The following SMYD3 variants were observed in gnomAD, a reference collection of about 807,000 sequenced individuals.
The protein encoded by SMYD3 is SET and MYND domain containing 3.
SMYD3 carries 36 observed loss-of-function variants against 57.7 expected under a neutral mutation model. That is an observed-to-expected ratio of 0.62 (90% CI 0.48 to 0.82). The LOEUF (loss-of-function observed/expected upper bound fraction) is 0.82, where lower values mean the gene tolerates loss of function less well. Ranked by LOEUF, SMYD3 falls within the 40% of genes least tolerant of loss-of-function variation. SMYD3 has a pLI of 0.00. For missense variants in SMYD3, 515 were observed against 538.8 expected (o/e 0.96, Z 0.44); for synonymous variants, 211 against 195.0 (o/e 1.08, Z -0.68).
intron 1 of SMYD3, among the ~76,000 whole-genome samples, chr1:246,446,015 C>T (rs945445391): frequency 2.0e-5 from 3 of 152,130 alleles, no homozygotes; most frequent in African/African-American, 7.2e-5. Context: ...ACAGTTAATT[C>T]CATTTCATAC....
intron 5 of SMYD3, among the ~76,000 whole-genome samples, chr1:245,939,601 T>TG (rs1312317231): frequency 5.9e-5 from 9 of 151,320 alleles, no homozygotes; most frequent in South Asian, 2.1e-4. Context: ...CACTCCAGCC[T>TG]GGCGACAGAG....
intron 5 of SMYD3, among the ~76,000 whole-genome samples, chr1:246,061,234 C>A (rs1398208203): frequency 2.0e-5 from 3 of 151,856 alleles, no homozygotes; most frequent in South Asian, 2.1e-4. Flanking sequence ...CGCACACACA[C>A]AAAAAAGAAA....
intron 5 of SMYD3, among the ~76,000 whole-genome samples, chr1:246,115,621 A>C (rs953392559): frequency 6.6e-6 from 1 of 152,230 alleles, no homozygotes; most frequent in African/African-American, 2.4e-5. Context: ...AAAAAGCAGC[A>C]TGGTTTCACT....
chr1:246,401,251 C>G (rs370363947), intron 1 of SMYD3, among the ~76,000 whole-genome samples: 29 of 152,250 alleles, frequency 1.9e-4, no homozygotes, highest in African/African-American at 6.5e-4. Context: ...AATCTCAGCA[C>G]TTTGGGAGGC....
intron 10 of SMYD3, among the ~76,000 whole-genome samples, chr1:245,788,671 G>A (rs2047147006): frequency 6.6e-6 from 1 of 152,188 alleles, no homozygotes; most frequent in African/African-American, 2.4e-5. Flanking sequence ...CTTAATAAGT[G>A]TTGGCTAGCC....
intron 5 of SMYD3, among the ~76,000 whole-genome samples, chr1:246,118,022 C>T (rs1439005154): frequency 6.6e-6 from 1 of 152,088 alleles, no homozygotes; most frequent in African/African-American, 2.4e-5. Flanking sequence ...TGATAATGAA[C>T]TTTTAAAGGT....
In SMYD3 at chr1:246,152,796, T is replaced by G. The variant is rs72772602; in HGVS notation, c.531+174405A>C. 4.0e-3 allele frequency among the ~76,000 whole-genome samples: 605 copies of G among 152,292 alleles called. 4 individuals are homozygous for G. Among genetic ancestry groups the G allele is most frequent in the Non-Finnish European group, 6.9e-3 (467 of 68,016 alleles). On this transcript the variant is annotated intron_variant, in intron 5 of 11. Coordinates refer to ENST00000490107, the MANE Select transcript of SMYD3 (RefSeq NM_001167740.2). ...AGAGTCTCATCCTGTCACCCAGATT[T>G]AACCTTTCTCAGCCACATCTGCAAA... is the stretch of plus-strand genomic sequence containing the variant.
chr1:246,211,468 TA>T (rs968796357), intron 5 of SMYD3, among the ~76,000 whole-genome samples: 16 of 151,204 alleles, frequency 1.1e-4, no homozygotes, highest in Non-Finnish European at 8.8e-5. Flanking sequence ...AACAAAATGT[TA>T]AAAAAAAATA....
intron 5 of SMYD3, among the ~76,000 whole-genome samples, chr1:246,146,914 C>A (rs1033897672): frequency 6.6e-6 from 1 of 152,168 alleles, no homozygotes; most frequent in African/African-American, 2.4e-5. Context: ...CTGCAGCAAA[C>A]TGACACAGGG....
At position 246,107,614 on chromosome 1, in the gene SMYD3, T is replaced by C. The variant is rs556634779; in HGVS notation, c.532-177677A>G. Among the ~76,000 whole-genome samples, 6 of 151,976 alleles carry C rather than the reference T, an allele frequency of 3.9e-5. No homozygotes were observed. The South Asian group carries it at 1.2e-3, about 32-fold the overall frequency. On this transcript the variant is annotated intron_variant, in intron 5 of 11. Transcript: ENST00000490107. ...GAAATTAGCTCATTCAAACAAAGTT[T>C]ATTAAATAAATAAAATCCCAGCACT...
chr1:245,940,841 T>C (rs4654172), intron 5 of SMYD3, among the ~76,000 whole-genome samples: 82,212 of 152,132 alleles, frequency 0.54, 27,409 homozygotes, highest in Non-Finnish European at 0.76. Context: ...AAAGTAGGCT[T>C]CAGAAGGTGG....
At chr1:245,776,213 T>A (rs1302707461) in intron 10 of SMYD3, among the ~76,000 whole-genome samples, 2 of 152,336 alleles carry the variant, frequency 1.3e-5, no homozygotes, top group South Asian at 4.1e-4. Flanking sequence ...TAAGACTTTT[T>A]AATGTTCTGT....
chr1:246,265,821 G>A (rs10924656), intron 5 of SMYD3, among the ~76,000 whole-genome samples: 11,727 of 152,208 alleles, frequency 0.077, 601 homozygotes, highest in East Asian at 0.22. Flanking sequence ...TTTAAAGTAG[G>A]ATTATATGAA....
chr1:246,429,569 C>G (rs1167702358), intron 1 of SMYD3, among the ~76,000 whole-genome samples: 1 of 152,214 alleles, frequency 6.6e-6, no homozygotes, highest in Non-Finnish European at 1.5e-5. Context: ...TAGGCTATGA[C>G]TCTATACACA....
chr1:246,013,352 GTATTTT>G (rs1480556784), intron 5 of SMYD3, among the ~76,000 whole-genome samples: 1 of 151,980 alleles, frequency 6.6e-6, no homozygotes, highest in Non-Finnish European at 1.5e-5. Flanking sequence ...GCTAATTTTT[GTATTTT>G]TAGTAGGGAT....
At position 245,928,673 on chromosome 1, in the gene SMYD3, C is replaced by CA. The variant is rs1006488468; in HGVS notation, c.600-641dup. ...TGGGTGACAGAGTGAGACTCCATCT[C>CA]AAAAAAAAAAAATACTCAGACATAA... On this transcript the variant is annotated intron_variant, in intron 6 of 11. Transcript: ENST00000490107. Among the ~76,000 whole-genome samples, 1,033 of 142,926 alleles carry CA rather than the reference C, an allele frequency of 7.2e-3. 9 individuals carry two copies. The highest frequency in any genetic ancestry group is 0.022 in the Middle Eastern group (6 of 276). 93.8% of individuals were successfully genotyped at this position (142,926 alleles called of 152,430 possible).
intron 5 of SMYD3, among the ~76,000 whole-genome samples, chr1:246,190,647 A>G (rs1016731531): frequency 1.3e-5 from 2 of 150,622 alleles, no homozygotes; most frequent in Admixed American, 1.3e-4. Flanking sequence ...AAGCTCACTG[A>G]TTTAAATTAC....
chr1:246,407,790 C>T (rs1229037663), intron 1 of SMYD3, among the ~76,000 whole-genome samples: 1 of 151,710 alleles, frequency 6.6e-6, no homozygotes, highest in South Asian at 2.1e-4. Flanking sequence ...TGCAGTGAGC[C>T]GAGATCACGC....
intron 10 of SMYD3, among the ~76,000 whole-genome samples, chr1:245,796,496 G>A (rs973563464): frequency 5.3e-5 from 8 of 152,028 alleles, no homozygotes; most frequent in South Asian, 2.1e-4. Flanking sequence ...TCTTTTTAGC[G>A]GGGATAGCAT....
Sources: gnomAD v4.1 joint callset for allele counts (sites outside exome capture counted in the v4.1 genomes callset) on GRCh38, gnomAD v4.1.1 for gene constraint, MANE v1.5 for transcripts, NCBI Gene and HGNC (gene_info 2026-07-23, HGNC 2026-07-21) for gene names.